GALNT14: variants seen among roughly 807,000 people sequenced by gnomAD.
GALNT14 encodes polypeptide N-acetylgalactosaminyltransferase 14.
A neutral mutation model predicts 77.5 loss-of-function variants in GALNT14; 60 were observed. That is an observed-to-expected ratio of 0.77 (90% CI 0.63 to 0.96). The LOEUF is 0.96. GALNT14 is among the 40% of genes least tolerant of loss of function. GALNT14 has a pLI of 0.00. For missense variants in GALNT14, 710 were observed against 731.0 expected (o/e 0.97, Z 0.33); for synonymous variants, 280 against 281.7 (o/e 0.99, Z 0.06).
intron 3 of GALNT14, among the ~76,000 whole-genome samples, chr2:30,961,648 C>T (rs764357494): frequency 2.0e-5 from 3 of 151,708 alleles, no homozygotes; most frequent in Admixed American, 1.3e-4. Flanking sequence ...AATGCAAATT[C>T]TTGGGCCCCA....
chr2:30,986,086 G>GA (rs1488540779), intron 2 of GALNT14, among the ~76,000 whole-genome samples: 1 of 152,128 alleles, frequency 6.6e-6, no homozygotes, highest in African/African-American at 2.4e-5. Context: ...AGGAGCCAAG[G>GA]AAAAATGTCT....
chr2:30,994,505 A>G (rs943133221), intron 1 of GALNT14, among the ~76,000 whole-genome samples: 2 of 152,216 alleles, frequency 1.3e-5, no homozygotes, highest in African/African-American at 4.8e-5. Flanking sequence ...TTCTCCTGCT[A>G]ATAGCATAAA....
At chr2:30,932,740 C>T (rs1405862855) in intron 9 of GALNT14, among the ~76,000 whole-genome samples, 1 of 152,156 alleles carries the variant, frequency 6.6e-6, no homozygotes, top group African/African-American at 2.4e-5. Context: ...GACTGAGTCC[C>T]CAGAAGGCCT....
rs750145392 is a variant in GALNT14 at position 30,966,303 on chromosome 2, C to T, written c.300-1G>A. ...CGTGCAATACACCAGCAGTGTGCAT[C>T]TGGGGAAGGAAAGGCACAGGGCAAG... On this transcript the variant is annotated splice_acceptor_variant, in intron 2 of 14. Coordinates refer to ENST00000349752, the MANE Select transcript of GALNT14 (RefSeq NM_024572.4). LOFTEE classifies it high-confidence loss of function. 14 of 1,611,356 alleles carry T rather than the reference C, an allele frequency of 8.7e-6. No individual in the cohort carries two copies. In the East Asian group the frequency reaches 2.9e-4, roughly 33 times the overall value.
At position 31,101,189 on chromosome 2, in the gene GALNT14, T is replaced by C. The variant is rs185092417; in HGVS notation, c.129+36769A>G. Reference sequence around the variant, plus strand: ...CTTTTCAGTATCTATGAAGATAATATCTTTTTTCTCTTAATGTTCACTAAT... The same window carrying C: ...CTTTTCAGTATCTATGAAGATAATACCTTTTTTCTCTTAATGTTCACTAAT... On this transcript the variant is annotated intron_variant, in intron 1 of 14. Transcript: ENST00000349752. Among the ~76,000 whole-genome samples, 229 of 152,182 alleles carry C rather than the reference T, an allele frequency of 1.5e-3. 1 individual carries two copies. Among genetic ancestry groups the C allele is most frequent in the African/African-American group, 5.1e-3 (213 of 41,528 alleles).
At chr2:31,120,809 G>A (rs574799340) in intron 1 of GALNT14, among the ~76,000 whole-genome samples, 1 of 152,278 alleles carries the variant, frequency 6.6e-6, no homozygotes, top group Admixed American at 6.5e-5. Context: ...CACTGGCCTC[G>A]GCCCCCAAAG....
chr2:30,978,567 G>C (rs548223157), intron 2 of GALNT14, among the ~76,000 whole-genome samples: 1 of 152,192 alleles, frequency 6.6e-6, no homozygotes. Flanking sequence ...ATGCGTGAAC[G>C]TGGATAATTC....
At chr2:31,077,140 A>G (rs1395344839) in intron 1 of GALNT14, among the ~76,000 whole-genome samples, 1 of 152,222 alleles carries the variant, frequency 6.6e-6, no homozygotes, top group African/African-American at 2.4e-5. Context: ...TCACAGTGCT[A>G]AGCAGTGGGC....
chr2:31,054,116 C>T (rs928504733), intron 1 of GALNT14, among the ~76,000 whole-genome samples: 3 of 152,202 alleles, frequency 2.0e-5, no homozygotes, highest in African/African-American at 7.2e-5. Context: ...GGAGATCACA[C>T]GTTACTTAGG....
At chr2:31,102,732 G>T (rs202233724) in intron 1 of GALNT14, among the ~76,000 whole-genome samples, 1 of 152,078 alleles carries the variant, frequency 6.6e-6, no homozygotes, top group East Asian at 1.9e-4. Context: ...TGGAGACTGA[G>T]ACATGTAAAT....
intron 11 of GALNT14, among the ~76,000 whole-genome samples, chr2:30,926,981 T>A (rs995396181): frequency 1.3e-5 from 2 of 152,126 alleles, no homozygotes; most frequent in Non-Finnish European, 2.9e-5. Context: ...TTTTTGTAGT[T>A]TGTTTTCTTT....
intron 1 of GALNT14, among the ~76,000 whole-genome samples, chr2:31,136,887 G>A (rs1026738347): frequency 6.6e-6 from 1 of 152,148 alleles, no homozygotes; most frequent in Non-Finnish European, 1.5e-5. Context: ...TAGGCCCTCT[G>A]TACTGTACTT....
In GALNT14 at chr2:31,028,577, G is replaced by A. The variant is rs112373644; in HGVS notation, c.130-35570C>T. ...GGGGTGCTCCCACACATAACGGTGTGTCAGAAACACTGCTGCTTTATTATC... is the reference window on the plus strand; with the variant it reads ...GGGGTGCTCCCACACATAACGGTGTATCAGAAACACTGCTGCTTTATTATC... On this transcript the variant is annotated intron_variant, in intron 1 of 14. Coordinates refer to ENST00000349752, the MANE Select transcript of GALNT14 (RefSeq NM_024572.4). 6.3e-3 allele frequency among the ~76,000 whole-genome samples: 959 copies of A among 152,346 alleles called. 10 individuals are homozygous for A. The highest frequency in any genetic ancestry group is 0.022 in the African/African-American group (909 of 41,572).
chr2:31,082,188 G>T (rs1676188096), intron 1 of GALNT14, among the ~76,000 whole-genome samples: 1 of 152,232 alleles, frequency 6.6e-6, no homozygotes, highest in Non-Finnish European at 1.5e-5. Context: ...TCAGTGGACT[G>T]CAGACAGTCC....
the GALNT14 span, among the ~76,000 whole-genome samples, chr2:30,888,906 TC>T: frequency 4.0e-5 from 6 of 151,744 alleles, no homozygotes; most frequent in Middle Eastern, 3.4e-3. Context: ...AGTTGTATTG[TC>T]CCCCCCTCCA....
chr2:31,113,313 G>T (rs537574139), intron 1 of GALNT14, among the ~76,000 whole-genome samples: 4 of 152,234 alleles, frequency 2.6e-5, no homozygotes, highest in Admixed American at 1.3e-4. Context: ...AGGATCTGCC[G>T]GGCTGGGTGG....
chr2:31,071,816 T>C (rs1334152389), intron 1 of GALNT14, among the ~76,000 whole-genome samples: 1 of 152,158 alleles, frequency 6.6e-6, no homozygotes, highest in Non-Finnish European at 1.5e-5. Context: ...TAAGGCTAAG[T>C]GCAAAATGAA....
chr2:31,129,953 G>T (rs756377560), intron 1 of GALNT14, among the ~76,000 whole-genome samples: 9 of 152,120 alleles, frequency 5.9e-5, no homozygotes, highest in Admixed American at 1.3e-4. Flanking sequence ...AGATCGGGTT[G>T]CAAGAGCAGG....
intron 2 of GALNT14, among the ~76,000 whole-genome samples, chr2:30,971,959 G>A (rs1251537722): frequency 6.6e-6 from 1 of 152,204 alleles, no homozygotes; most frequent in Non-Finnish European, 1.5e-5. Flanking sequence ...GAGCAGTCAG[G>A]GCTCCCAGTG....
Sources: gnomAD v4.1 joint callset for allele counts (sites outside exome capture counted in the v4.1 genomes callset) on GRCh38, gnomAD v4.1.1 for gene constraint, MANE v1.5 for transcripts, NCBI Gene and HGNC (gene_info 2026-07-23, HGNC 2026-07-21) for gene names.